PRR5L: variants seen among roughly 807,000 people sequenced by gnomAD.
The protein encoded by PRR5L is proline-rich protein 5-like.
PRR5L carries 21 observed loss-of-function variants against 36.4 expected under a neutral mutation model. The ratio of observed to expected loss-of-function variants is 0.58; its 90% confidence interval spans 0.41 to 0.83. The LOEUF (loss-of-function observed/expected upper bound fraction) is 0.83. PRR5L is among the 40% of genes least tolerant of loss of function. PRR5L has a pLI of 0.00. For synonymous variants in PRR5L, 188 were observed against 197.0 expected (o/e 0.95, Z 0.38); for missense variants, 381 against 473.3 (o/e 0.80, Z 1.81).
chr11:36,359,566 C>T (rs1419780015), intron 1 of PRR5L, among the ~76,000 whole-genome samples: 1 of 152,158 alleles, frequency 6.6e-6, no homozygotes, highest in Non-Finnish European at 1.5e-5. Context: ...GCAAAGATGT[C>T]AGCAATTAGT....
At chr11:36,311,622 G>A (rs954543972) in intron 1 of PRR5L, among the ~76,000 whole-genome samples, 3 of 152,076 alleles carry the variant, frequency 2.0e-5, no homozygotes, top group Admixed American at 1.3e-4. Flanking sequence ...TTTTTTCTGG[G>A]CTGAGGAGAA....
chr11:36,401,516 C>G lies in PRR5L; in HGVS notation c.164+231C>G, dbSNP rs530061868. Among the ~76,000 whole-genome samples, 6 of 152,286 alleles carry G rather than the reference C, an allele frequency of 3.9e-5. 1 individual carries two copies. The South Asian group carries it at 1.0e-3, about 26-fold the overall frequency. ...TATAGTTCACTGCAGCCTCAAACTTCTGGGCTCGGGCGATCCTCCTGCCCC... is the reference window on the plus strand; with the variant it reads ...TATAGTTCACTGCAGCCTCAAACTTGTGGGCTCGGGCGATCCTCCTGCCCC... On this transcript the variant is annotated intron_variant, in intron 2 of 8. Transcript: ENST00000530639.
At chr11:36,332,067 C>G (rs1305746882) in intron 1 of PRR5L, among the ~76,000 whole-genome samples, 1 of 152,132 alleles carries the variant, frequency 6.6e-6, no homozygotes, top group Admixed American at 6.5e-5. Flanking sequence ...AGCTCTTAGT[C>G]TAGTTCTTGG....
chr11:36,425,921 T>G (rs1858372750), intron 4 of PRR5L: 1 of 151,962 alleles, frequency 6.6e-6, no homozygotes, highest in South Asian at 2.1e-4. Flanking sequence ...ATGTCTGGAG[T>G]GAAACTGGTT....
At chr11:36,338,039 TC>T (rs1856785018) in intron 1 of PRR5L, among the ~76,000 whole-genome samples, 1 of 152,240 alleles carries the variant, frequency 6.6e-6, no homozygotes, top group African/African-American at 2.4e-5. Context: ...CATAGGACTT[TC>T]CTTTAAGTCT....
chr11:36,350,748 C>T lies in PRR5L; in HGVS notation c.-125-50249C>T, dbSNP rs548498851. 9.9e-5 allele frequency among the ~76,000 whole-genome samples: 15 copies of T among 150,870 alleles called. No homozygotes were observed. The East Asian group carries it at 2.5e-3, about 25-fold the overall frequency. On this transcript the variant is annotated intron_variant, in intron 1 of 8. Transcript: ENST00000530639. ...CTGTATCATTCTTATGCCTTTGCAT[C>T]CTTATAGCTTAGCTCCCACTTATGA...
chr11:36,376,182 G>A (rs371846530), intron 1 of PRR5L: 63 of 1,303,546 alleles, frequency 4.8e-5, no homozygotes, highest in African/African-American at 3.9e-4. Context: ...CCCCCTCTCC[G>A]CTCTCCCCAG....
chr11:36,379,445 A>G (rs935428472), intron 1 of PRR5L: 7 of 152,224 alleles, frequency 4.6e-5, no homozygotes, highest in Non-Finnish European at 1.5e-5. Context: ...GATCCTTACA[A>G]TGTCTAATGT....
intron 1 of PRR5L, among the ~76,000 whole-genome samples, chr11:36,360,181 G>A (rs1346119): frequency 0.15 from 22,379 of 151,982 alleles, 2,248 homozygotes; most frequent in African/African-American, 0.29. Context: ...GCTACCTTGT[G>A]TCTAGTAGAA....
At chr11:36,369,887 A>G (rs917227026) in intron 1 of PRR5L, among the ~76,000 whole-genome samples, 2 of 152,068 alleles carry the variant, frequency 1.3e-5, no homozygotes, top group African/African-American at 2.4e-5. Flanking sequence ...ATGAACCACC[A>G]TGCCCAGCCT....
chr11:36,399,118 G>C (rs894013099), intron 1 of PRR5L, among the ~76,000 whole-genome samples: 7 of 152,052 alleles, frequency 4.6e-5, no homozygotes, highest in Non-Finnish European at 1.0e-4. Flanking sequence ...CTCATTTTTT[G>C]GTTTGTGTAG....
chr11:36,305,388 G>A (rs1856419929), intron 1 of PRR5L, among the ~76,000 whole-genome samples: 1 of 152,176 alleles, frequency 6.6e-6, no homozygotes, highest in Admixed American at 6.5e-5. Flanking sequence ...GGGAAGGGAG[G>A]AAATGGAGAG....
intron 1 of PRR5L, among the ~76,000 whole-genome samples, chr11:36,311,701 T>C (rs1272235729): frequency 6.6e-6 from 1 of 152,124 alleles, no homozygotes; most frequent in African/African-American, 2.4e-5. Flanking sequence ...CACAGGGGCT[T>C]TTGCTGAATG....
intron 1 of PRR5L, among the ~76,000 whole-genome samples, chr11:36,302,419 C>T (rs1423380813): frequency 6.6e-6 from 1 of 152,134 alleles, no homozygotes; most frequent in Non-Finnish European, 1.5e-5. Context: ...GAAAGGTAGG[C>T]AGGTCCTATA....
chr11:36,364,267 G>T (rs1164406628), intron 1 of PRR5L, among the ~76,000 whole-genome samples: 5 of 152,176 alleles, frequency 3.3e-5, no homozygotes. Context: ...ATTTTTGGGG[G>T]TTAAATTAAT....
intron 5 of PRR5L, among the ~76,000 whole-genome samples, chr11:36,435,198 C>T (rs991179180): frequency 1.3e-5 from 2 of 152,080 alleles, no homozygotes; most frequent in African/African-American, 4.8e-5. Flanking sequence ...AGACTTCCCC[C>T]TCCTCCTCCC....
At chr11:36,378,367 C>A (rs767447399) in intron 1 of PRR5L, among the ~76,000 whole-genome samples, 11 of 152,152 alleles carry the variant, frequency 7.2e-5, no homozygotes, top group Non-Finnish European at 1.2e-4. Context: ...CTGTTTAGAG[C>A]GGTTTCTGTA....
chr11:36,324,185 T>C (rs1047308361), intron 1 of PRR5L, among the ~76,000 whole-genome samples: 1 of 152,130 alleles, frequency 6.6e-6, no homozygotes, highest in Non-Finnish European at 1.5e-5. Context: ...ATGACATAAT[T>C]AGATAATTAA....
At chr11:36,456,916 A>G (rs1284127003) in intron 8 of PRR5L, among the ~76,000 whole-genome samples, 2 of 152,200 alleles carry the variant, frequency 1.3e-5, no homozygotes, top group African/African-American at 2.4e-5. Flanking sequence ...TTGCATGTAC[A>G]GGTAGTAGTG....
Sources: allele counts gnomAD v4.1 joint callset (sites outside exome capture counted in the v4.1 genomes callset), GRCh38; gene constraint gnomAD v4.1.1; transcripts MANE v1.5; gene names NCBI Gene and HGNC (gene_info 2026-07-23, HGNC 2026-07-21).